HMGCLL1: variants seen among roughly 807,000 people sequenced by gnomAD.
The protein encoded by HMGCLL1 is 3-hydroxymethyl-3-methylglutaryl-CoA lyase, cytoplasmic.
Under a neutral mutation model 39.1 loss-of-function variants are expected in HMGCLL1, and 36 were observed. The ratio of observed to expected loss-of-function variants is 0.92; its 90% CI spans 0.71 to 1.22. HMGCLL1 has a LOEUF of 1.22. Ranked by LOEUF, HMGCLL1 falls within the 50% of genes most tolerant of loss-of-function variation. HMGCLL1 has a pLI of 0.00. For synonymous variants in HMGCLL1, 149 were observed against 144.0 expected, an observed-to-expected ratio of 1.03 and a Z score of -0.25; for missense variants, 451 against 416.5, an observed-to-expected ratio of 1.08 and a Z score of -0.72.
rs186095866 is a variant in HMGCLL1 at position 55,537,589 on chromosome 6, G to T, written c.297+4140C>A. ...GCATTCCCTTAAATAACAGTACTGA[G>T]CACTGGTCAGGAGTCAGGTGCTTTG... On this transcript the variant is annotated intron_variant, in intron 3 of 8. Transcript: ENST00000274901. 1.1e-3 allele frequency among the ~76,000 whole-genome samples: 173 copies of T among 152,206 alleles called. 1 individual carries two copies. The highest frequency in any genetic ancestry group is 4.0e-3 in the African/African-American group (168 of 41,528).
intron 5 of HMGCLL1, among the ~76,000 whole-genome samples, chr6:55,500,828 T>C (rs1225205351): frequency 1.3e-5 from 2 of 151,978 alleles, no homozygotes; most frequent in African/African-American, 2.4e-5. Context: ...ACAAATGTAA[T>C]GATTACAATA....
At chr6:55,528,711 A>C (rs1176015360) in intron 3 of HMGCLL1, among the ~76,000 whole-genome samples, 1 of 151,888 alleles carries the variant, frequency 6.6e-6, no homozygotes, top group Non-Finnish European at 1.5e-5. Flanking sequence ...ATATTCACAA[A>C]ACTTCTTAAG....
At chr6:55,544,421 T>C (rs1410760479) in intron 1 of HMGCLL1, among the ~76,000 whole-genome samples, 1 of 152,132 alleles carries the variant, frequency 6.6e-6, no homozygotes, top group African/African-American at 2.4e-5. Context: ...TAAGTTTGGG[T>C]AACCCATATT....
rs1357860612 is a variant in HMGCLL1 at position 55,551,775 on chromosome 6, G to T, written c.109-9635C>A. ...CTTCTGTCCCAGTTGCAGTATTTTT[G>T]CAAAAGCAAATTAACACTGCCTTAT... is the stretch of plus-strand genomic sequence containing the variant. On this transcript the variant is annotated intron_variant, in intron 1 of 8. Coordinates refer to ENST00000274901, the MANE Select transcript of HMGCLL1 (RefSeq NM_001042406.2). 4.6e-5 allele frequency among the ~76,000 whole-genome samples: 7 copies of T among 152,138 alleles called. No individual in the cohort carries two copies. The East Asian group carries it at 1.4e-3, about 29-fold the overall frequency.
At chr6:55,594,313 A>G in the HMGCLL1 span, among the ~76,000 whole-genome samples, 3 of 151,892 alleles carry the variant, frequency 2.0e-5, no homozygotes, top group Non-Finnish European at 2.9e-5. Context: ...CACATGTCCC[A>G]GTTTTCCTGG....
intron 5 of HMGCLL1, among the ~76,000 whole-genome samples, chr6:55,509,381 T>G (rs1276478668): frequency 6.6e-6 from 1 of 151,830 alleles, no homozygotes; most frequent in Non-Finnish European, 1.5e-5. Context: ...TACTTAAAAA[T>G]GGAGCCCTAA....
chr6:55,627,072 A>AAAAAAAAC, the HMGCLL1 span, among the ~76,000 whole-genome samples: 1 of 148,782 alleles, frequency 6.7e-6, no homozygotes, highest in Non-Finnish European at 1.5e-5. Flanking sequence ...AAAAAAAAAA[A>AAAAAAAAC]AATACAACCA....
At chr6:55,470,944 ACCAGGT>A (rs1765018970) in intron 7 of HMGCLL1, among the ~76,000 whole-genome samples, 1 of 151,702 alleles carries the variant, frequency 6.6e-6, no homozygotes, top group African/African-American at 2.4e-5. Flanking sequence ...ATCACCTCCT[ACCAGGT>A]CCCTCCCTCA....
At chr6:55,539,849 A>T (rs1248675628) in intron 3 of HMGCLL1, among the ~76,000 whole-genome samples, 7 of 140,350 alleles carry the variant, frequency 5.0e-5, no homozygotes, top group African/African-American at 1.9e-4. Flanking sequence ...CCCTAAAGTG[A>T]AAGAAAGAGG....
intron 5 of HMGCLL1, among the ~76,000 whole-genome samples, chr6:55,508,717 AT>A (rs1767290000): frequency 6.6e-6 from 1 of 151,884 alleles, no homozygotes; most frequent in African/African-American, 2.4e-5. Flanking sequence ...CATGTTAAAA[AT>A]AATTTTAAAT....
chr6:55,491,987 A>G (rs1766333608), intron 7 of HMGCLL1, among the ~76,000 whole-genome samples: 1 of 151,992 alleles, frequency 6.6e-6, no homozygotes, highest in Admixed American at 6.6e-5. Flanking sequence ...CTACTACACT[A>G]TTAGTGTGTG....
intron 7 of HMGCLL1, among the ~76,000 whole-genome samples, chr6:55,451,347 G>A (rs996608861): frequency 1.1e-4 from 16 of 152,092 alleles, no homozygotes; most frequent in African/African-American, 2.4e-4. Context: ...ATAGGGCTGG[G>A]CGCGGTGGCT....
chr6:55,583,969 A>G (rs1472829593), upstream of HMGCLL1, among the ~76,000 whole-genome samples: 1 of 152,044 alleles, frequency 6.6e-6, no homozygotes, highest in Non-Finnish European at 1.5e-5. Flanking sequence ...TCTCTCATAT[A>G]TGGAATGGCC....
At chr6:55,550,749 C>G (rs957810004) in intron 1 of HMGCLL1, among the ~76,000 whole-genome samples, 10 of 151,666 alleles carry the variant, frequency 6.6e-5, no homozygotes, top group Admixed American at 1.3e-4. Flanking sequence ...TTCACTCGTT[C>G]TCATTCAGGA....
chr6:55,503,319 G>T (rs750731628), intron 5 of HMGCLL1, among the ~76,000 whole-genome samples: 4 of 151,864 alleles, frequency 2.6e-5, no homozygotes, highest in South Asian at 2.1e-4. Flanking sequence ...CCAAGACATA[G>T]TTCCAAATTC....
At chr6:55,674,678 G>A in the HMGCLL1 span, among the ~76,000 whole-genome samples, 1 of 152,000 alleles carries the variant, frequency 6.6e-6, no homozygotes, top group Non-Finnish European at 1.5e-5. Flanking sequence ...CAATGATAAT[G>A]TTACTATAGG....
chr6:55,481,669 C>T (rs1357978425), intron 7 of HMGCLL1, among the ~76,000 whole-genome samples: 1 of 2,994 alleles, frequency 3.3e-4, no homozygotes, highest in African/African-American at 5.1e-4. Context: ...TTAGTTCCAA[C>T]CTATTTTTTT....
At chr6:55,589,547 G>C in the HMGCLL1 span, among the ~76,000 whole-genome samples, 2 of 152,078 alleles carry the variant, frequency 1.3e-5, no homozygotes, top group South Asian at 4.1e-4. Flanking sequence ...AGAAGTTCTG[G>C]CCAGGGCAAT....
At chr6:55,594,192 T>A in the HMGCLL1 span, among the ~76,000 whole-genome samples, 17 of 152,224 alleles carry the variant, frequency 1.1e-4, no homozygotes, top group Non-Finnish European at 2.1e-4. Flanking sequence ...AATTTGAATC[T>A]AATGATTCTG....
Sources: allele counts gnomAD v4.1 joint callset (sites outside exome capture counted in the v4.1 genomes callset), GRCh38; gene constraint gnomAD v4.1.1; transcripts MANE v1.5; gene names NCBI Gene and HGNC (gene_info 2026-07-23, HGNC 2026-07-21).